TMEM167A: variants seen among roughly 807,000 people sequenced by gnomAD.
The protein encoded by TMEM167A is transmembrane protein 167A.
In TMEM167A, 8 loss-of-function variants were observed where a neutral mutation model predicts 11.6. That is an observed-to-expected ratio of 0.69 (90% confidence interval 0.40 to 1.24). The LOEUF (loss-of-function observed/expected upper bound fraction) is 1.24. Among genes scored for constraint, TMEM167A ranks in the 50% most tolerant of loss-of-function variants. TMEM167A has a pLI of 0.01. For missense variants in TMEM167A, 62 were observed against 87.0 expected, an observed-to-expected ratio of 0.71 and a Z score of 1.14; for synonymous variants, 22 against 28.0, an observed-to-expected ratio of 0.79 and a Z score of 0.67.
chr5:83,060,390 G>T (rs139563904), intron 3 of TMEM167A, among the ~76,000 whole-genome samples: 399 of 150,920 alleles, frequency 2.6e-3, no homozygotes, highest in African/African-American at 8.9e-3. Context: ...CTAAACAAAA[G>T]AATTTTTCTT....
intron 1 of TMEM167A, among the ~76,000 whole-genome samples, chr5:83,071,698 T>C (rs957059001): frequency 6.6e-6 from 1 of 152,226 alleles, no homozygotes; most frequent in Non-Finnish European, 1.5e-5. Context: ...ATTTAAACTT[T>C]GTTGCTTATC....
chr5:83,068,920 G>C (rs1249885002), intron 1 of TMEM167A, among the ~76,000 whole-genome samples: 1 of 152,070 alleles, frequency 6.6e-6, no homozygotes, highest in Non-Finnish European at 1.5e-5. Context: ...TGGTGGGAGA[G>C]GGGTAGGGTT....
intron 3 of TMEM167A, among the ~76,000 whole-genome samples, chr5:83,058,988 A>G (rs979460035): frequency 1.3e-5 from 2 of 152,094 alleles, no homozygotes; most frequent in Non-Finnish European, 2.9e-5. Flanking sequence ...CTGTGTCAAG[A>G]TAAGAGAGGA....
At chr5:83,064,434 T>C (rs2112243022) in intron 2 of TMEM167A, 1 of 454,286 alleles carries the variant, frequency 2.2e-6, no homozygotes, top group Middle Eastern at 3.4e-4. Flanking sequence ...TTAAATATCT[T>C]AGATGGACAT....
intron 1 of TMEM167A, among the ~76,000 whole-genome samples, chr5:83,074,529 G>A (rs886281505): frequency 3.3e-5 from 5 of 152,128 alleles, no homozygotes; most frequent in Admixed American, 1.3e-4. Flanking sequence ...CAGAGTTTGT[G>A]AAAATCATTT....
intron 3 of TMEM167A, among the ~76,000 whole-genome samples, chr5:83,057,991 G>T (rs1285806348): frequency 6.6e-6 from 1 of 152,092 alleles, no homozygotes; most frequent in Non-Finnish European, 1.5e-5. Flanking sequence ...GCTGCCATGA[G>T]GGCGGTATAA....
In TMEM167A at chr5:83,064,444, T is replaced by C. The variant is rs555386596; in HGVS notation, c.113+564A>G. ...AACACTTAAATATCTTAGATGGACA[T>C]TATGCATTATATTAGAATTCCAATA... On this transcript the variant is annotated intron_variant, in intron 2 of 3. Coordinates refer to ENST00000502346, the MANE Select transcript of TMEM167A (RefSeq NM_174909.5). 3.5e-4 allele frequency: 155 copies of C among 437,052 alleles called. 2 individuals are homozygous for C. The highest frequency in any genetic ancestry group is 2.5e-3 in the South Asian group (153 of 60,038). The allele number at this position is 437,052 out of a possible 1,614,324, so 27.1% of individuals were successfully genotyped here.
At chr5:83,067,450 A>G (rs1179762626) in intron 1 of TMEM167A, among the ~76,000 whole-genome samples, 1 of 152,206 alleles carries the variant, frequency 6.6e-6, no homozygotes, top group East Asian at 1.9e-4. Context: ...ATCTTAAGGT[A>G]TGTAAACTTT....
chr5:83,070,643 G>A (rs1417767109), intron 1 of TMEM167A, among the ~76,000 whole-genome samples: 1 of 152,086 alleles, frequency 6.6e-6, no homozygotes, highest in African/African-American at 2.4e-5. Context: ...AGCTAAGGAA[G>A]GGGTCTAGAC....
chr5:83,072,103 C>T, intron 1 of TMEM167A, among the ~76,000 whole-genome samples: 1 of 152,162 alleles, frequency 6.6e-6, no homozygotes, highest in East Asian at 1.9e-4. Flanking sequence ...ACTGGCAACA[C>T]TGATTTTGTA....
chr5:83,062,059 TG>T, intron 2 of TMEM167A, 148 bp from the exon 3 acceptor site: 2 of 617,032 alleles, frequency 3.2e-6, no homozygotes, highest in South Asian at 4.2e-5. Flanking sequence ...TATTTGATGT[TG>T]AGCCACCATT....
rs1744308329 is a variant in TMEM167A at position 83,055,031 on chromosome 5, A to G, written c.*2053T>C. 6.6e-6 allele frequency: 1 copy of G among 151,968 alleles called. No individual in the cohort carries two copies. The highest frequency in any genetic ancestry group is 2.1e-4 in the South Asian group (1 of 4,832). The allele number at this position is 151,968 out of a possible 1,614,324, so 9.4% of individuals were successfully genotyped here. A position where few individuals can be genotyped will look rare whatever the true frequency, so the allele number is the denominator to read the frequency against. ...AAAATATACATTAAAGAAAATGTTA[A>G]TTGCTTTTATTCATACTGTGTCTCT... On this transcript the variant is annotated 3_prime_UTR_variant, in exon 4 of 4. Coordinates refer to ENST00000502346, the MANE Select transcript of TMEM167A (RefSeq NM_174909.5).
At chr5:83,069,000 A>G (rs766880618) in intron 1 of TMEM167A, among the ~76,000 whole-genome samples, 24 of 152,300 alleles carry the variant, frequency 1.6e-4, no homozygotes, top group Non-Finnish European at 3.1e-4. Flanking sequence ...ATGTTTTCAT[A>G]ATAGAAGATA....
rs143374637 is a variant in TMEM167A, at chr5:83,074,268, T to C, written c.3+3053A>G. Among the ~76,000 whole-genome samples, 10 of 152,324 alleles carry C rather than the reference T, an allele frequency of 6.6e-5. No individual in the cohort carries two copies. The East Asian group carries it at 1.7e-3, about 26-fold the overall frequency. ...GTTCCCATAACTGCCATTTCCTTTA[T>C]CTACGGGATAGAGATTGCTGTCCCA... On this transcript the variant is annotated intron_variant, in intron 1 of 3. Transcript: ENST00000502346.
At position 83,056,918 on chromosome 5, in the gene TMEM167A, T is replaced by C; in HGVS notation, c.*166A>G. 1.5e-6 allele frequency: 1 copy of C among 679,852 alleles called. No homozygotes were observed. The highest frequency in any genetic ancestry group is 1.6e-5 in the South Asian group (1 of 61,506). The allele number at this position is 679,852 out of a possible 1,614,324, so 42.1% of individuals were successfully genotyped here. A position where few individuals can be genotyped will look rare whatever the true frequency, so the allele number is the denominator to read the frequency against. ...TAAATGGTTACATCTTAATTGTTTA[T>C]ACAGAACATTGGTCCAATAACATTA... On this transcript the variant is annotated 3_prime_UTR_variant, in exon 4 of 4. Coordinates refer to ENST00000502346, the MANE Select transcript of TMEM167A (RefSeq NM_174909.5).
In TMEM167A at chr5:83,062,418, T is replaced by C. The variant is rs568451624; in HGVS notation, c.114-507A>G. On this transcript the variant is annotated intron_variant, in intron 2 of 3. Transcript: ENST00000502346. ...TGATGGTATTTACTTATCTGTGTCA[T>C]TTACTAAGAAAGAATTAAAAATGTG... Among the ~76,000 whole-genome samples, 7 of 152,288 alleles carry C rather than the reference T, an allele frequency of 4.6e-5. No individual in the cohort carries two copies. In the East Asian group the frequency reaches 1.2e-3, roughly 25 times the overall value.
intron 1 of TMEM167A, among the ~76,000 whole-genome samples, chr5:83,075,328 T>G (rs985703680): frequency 6.6e-6 from 1 of 152,168 alleles, no homozygotes; most frequent in Non-Finnish European, 1.5e-5. Context: ...ATGTTAGGTG[T>G]TGGGGGGAAC....
rs1744557122 is a variant in TMEM167A at position 83,071,405 on chromosome 5, G to A, written c.3+5916C>T. On this transcript the variant is annotated intron_variant, in intron 1 of 3. Transcript: ENST00000502346. The stretch of plus-strand genomic sequence containing the variant: ...AGTTTATCCCTTTTTGGGGGTGGAA[G>A]GGAACACAGAAATGACACTCCTGAC... 3 of 152,062 alleles carry A rather than the reference G, an allele frequency of 2.0e-5. No individual in the cohort carries two copies. The South Asian group carries it at 6.2e-4, about 32-fold the overall frequency. The allele number at this position is 152,062 out of a possible 1,614,324, so 9.4% of individuals were successfully genotyped here.
intron 1 of TMEM167A, among the ~76,000 whole-genome samples, chr5:83,066,615 T>C (rs1027493230): frequency 3.9e-5 from 6 of 152,126 alleles, no homozygotes; most frequent in African/African-American, 1.4e-4. Context: ...TCTTAAAACA[T>C]ATGGAAGAAC....
Sources: gnomAD v4.1 joint callset for allele counts (sites outside exome capture counted in the v4.1 genomes callset) on GRCh38, gnomAD v4.1.1 for gene constraint, MANE v1.5 for transcripts, NCBI Gene and HGNC (gene_info 2026-07-23, HGNC 2026-07-21) for gene names.